The following HDAC9 variants were observed in gnomAD, a reference collection of about 807,000 sequenced individuals.
HDAC9 encodes the protein histone deacetylase 9, also known as MEF-2 interacting transcription repressor (MITR) protein.
Under a neutral mutation model 139.4 loss-of-function variants are expected in HDAC9, and 41 were observed. The observed-to-expected ratio is 0.29, with a 90% CI of 0.23 to 0.38. HDAC9 has a LOEUF of 0.38. HDAC9 is among the 10% of genes least tolerant of loss of function. The probability of loss-of-function intolerance (pLI) is 1.00; values close to 1 mark genes in which losing one functional copy is unlikely to be tolerated. For missense variants in HDAC9, 1,147 were observed against 1,297.0 expected, an observed-to-expected ratio of 0.88 and a Z score of 1.78; for synonymous variants, 517 against 476.2, an observed-to-expected ratio of 1.09 and a Z score of -1.12.
At chr7:18,275,586 T>A (rs1277944678) in intron 2 of HDAC9, among the ~76,000 whole-genome samples, 1 of 152,200 alleles carries the variant, frequency 6.6e-6, no homozygotes, top group Non-Finnish European at 1.5e-5. Flanking sequence ...CTCCCCTTCG[T>A]TGAATTGCTG....
chr7:18,433,206 A>G (rs1475582643), intron 1 of HDAC9, among the ~76,000 whole-genome samples: 1 of 152,210 alleles, frequency 6.6e-6, no homozygotes, highest in African/African-American at 2.4e-5. Context: ...CTTTCATATT[A>G]AAATCCCTCA....
intron 12 of HDAC9, among the ~76,000 whole-genome samples, chr7:18,691,544 G>A (rs2129097798): frequency 1.3e-5 from 2 of 152,020 alleles, no homozygotes; most frequent in East Asian, 3.9e-4. Flanking sequence ...GGTAATATTT[G>A]GCTTGTAGGT....
At chr7:18,755,832 G>A (rs1297665293) in intron 14 of HDAC9, among the ~76,000 whole-genome samples, 1 of 152,128 alleles carries the variant, frequency 6.6e-6, no homozygotes, top group Non-Finnish European at 1.5e-5. Context: ...ATAAGTCGTA[G>A]TGACTGAATC....
At chr7:18,161,812 C>G (rs985052432) in intron 1 of HDAC9, among the ~76,000 whole-genome samples, 2 of 151,996 alleles carry the variant, frequency 1.3e-5, no homozygotes, top group East Asian at 1.9e-4. Flanking sequence ...GAGGTCCTAT[C>G]TGTAAAAGGA....
chr7:18,850,946 T>A (rs1797243243), intron 21 of HDAC9, among the ~76,000 whole-genome samples: 1 of 152,196 alleles, frequency 6.6e-6, no homozygotes, highest in Non-Finnish European at 1.5e-5. Flanking sequence ...GCTCCCATGG[T>A]CTAATCACCT....
rs1788229899 is a variant in HDAC9, at chr7:18,408,490, A to G, written c.-41-87772A>G. Among the ~76,000 whole-genome samples the G allele has an allele frequency of 2.0e-5, 3 of 152,338 alleles. No individual in the cohort carries two copies. The South Asian group carries it at 6.2e-4, about 32-fold the overall frequency. On this transcript the variant is annotated intron_variant, in intron 1 of 3. Transcript: ENST00000413509. ...CTTCTTAGGAGGCTAGTTCACATAA[A>G]TAAAACACTAGAAAAGGAAAATAGC...
At chr7:18,943,267 A>G (rs1782145365) in intron 23 of HDAC9, among the ~76,000 whole-genome samples, 1 of 152,040 alleles carries the variant, frequency 6.6e-6, no homozygotes, top group Non-Finnish European at 1.5e-5. Context: ...CATATGTAGT[A>G]TTTTCCTAAC....
At chr7:18,667,720 G>A in intron 12 of HDAC9, 2 of 984,918 alleles carry the variant, frequency 2.0e-6, no homozygotes, top group Non-Finnish European at 2.4e-6. Context: ...TGAGGATAGT[G>A]CTTTACTCTT....
chr7:18,189,788 C>G (rs1790200983), intron 2 of HDAC9, among the ~76,000 whole-genome samples: 1 of 152,180 alleles, frequency 6.6e-6, no homozygotes, highest in South Asian at 2.1e-4. Flanking sequence ...TGTCAAAAAA[C>G]CCAAAGACAC....
chr7:18,938,230 CAAAAAAAAA>C (rs71553939), intron 23 of HDAC9, among the ~76,000 whole-genome samples: 2 of 75,352 alleles, frequency 2.7e-5, no homozygotes, highest in African/African-American at 5.2e-5. Flanking sequence ...GACTCCGTCT[CAAAAAAAAA>C]AAAAAAAAAA....
intron 2 of HDAC9, among the ~76,000 whole-genome samples, chr7:18,567,516 C>G (rs906370755): frequency 1.3e-5 from 2 of 152,074 alleles, no homozygotes; most frequent in African/African-American, 4.8e-5. Flanking sequence ...ACTGAATATT[C>G]TACTGGTCTA....
At chr7:18,985,145 C>T (rs998771059) in intron 25 of HDAC9, among the ~76,000 whole-genome samples, 5 of 151,910 alleles carry the variant, frequency 3.3e-5, no homozygotes, top group African/African-American at 1.2e-4. Flanking sequence ...CATATGTATA[C>T]ATGTGCCATG....
chr7:18,818,502 A>AAGAG, intron 17 of HDAC9, among the ~76,000 whole-genome samples: 1 of 152,234 alleles, frequency 6.6e-6, no homozygotes, highest in Non-Finnish European at 1.5e-5. Context: ...GTCAGTTTAT[A>AAGAG]AATGTCACAT....
At chr7:18,338,106 G>A (rs1230439032) in intron 1 of HDAC9, among the ~76,000 whole-genome samples, 1 of 151,580 alleles carries the variant, frequency 6.6e-6, no homozygotes, top group Non-Finnish European at 1.5e-5. Flanking sequence ...TGGTAAACAG[G>A]AATGGAAAAA....
intron 17 of HDAC9, among the ~76,000 whole-genome samples, chr7:18,794,279 A>T (rs1792587447): frequency 6.6e-6 from 1 of 151,926 alleles, no homozygotes; most frequent in African/African-American, 2.4e-5. Flanking sequence ...AGGGAAATAT[A>T]TTATGACCAA....
intron 8 of HDAC9, among the ~76,000 whole-genome samples, chr7:18,639,218 A>G (rs1784799341): frequency 6.6e-6 from 1 of 152,064 alleles, no homozygotes; most frequent in African/African-American, 2.4e-5. Flanking sequence ...TTGTTTCATA[A>G]TAGTTGTTGT....
intron 5 of HDAC9, among the ~76,000 whole-genome samples, chr7:18,593,629 T>C (rs1347059475): frequency 1.3e-5 from 2 of 152,130 alleles, no homozygotes; most frequent in African/African-American, 2.4e-5. Flanking sequence ...TAATCTCAAA[T>C]TGTCAAAAGC....
chr7:18,292,071 C>T (rs183676394), intron 1 of HDAC9, among the ~76,000 whole-genome samples: 1 of 152,068 alleles, frequency 6.6e-6, no homozygotes, highest in African/African-American at 2.4e-5. Flanking sequence ...CTGAGGATGG[C>T]AACAAATGGA....
chr7:18,835,265 A>G (rs1045380507), intron 19 of HDAC9, among the ~76,000 whole-genome samples: 2 of 152,142 alleles, frequency 1.3e-5, no homozygotes, highest in African/African-American at 4.8e-5. Flanking sequence ...AGTGCATTAA[A>G]GGGTAATTTG....
Sources: allele counts gnomAD v4.1 joint callset (sites outside exome capture counted in the v4.1 genomes callset), GRCh38; gene constraint gnomAD v4.1.1; transcripts MANE v1.5; gene names NCBI Gene and HGNC (gene_info 2026-07-23, HGNC 2026-07-21).